Variants in NALF1 observed in about 807,000 individuals in gnomAD.
NALF1 encodes NALCN channel auxiliary factor 1.
NALF1 carries 3 observed loss-of-function variants against 48.4 expected under a neutral mutation model. The observed-to-expected ratio is 0.06, with a 90% CI of 0.03 to 0.16. NALF1 has a LOEUF of 0.16. NALF1 is among the 10% of genes least tolerant of loss of function. The probability of loss-of-function intolerance (pLI) is 1.00; values close to 1 mark genes in which losing one functional copy is unlikely to be tolerated. For synonymous variants in NALF1, 262 were observed against 245.7 expected (o/e 1.07, Z -0.62); for missense variants, 526 against 571.5 (o/e 0.92, Z 0.81).
chr13:107,844,286 A>C (rs1404185209), intron 1 of NALF1, among the ~76,000 whole-genome samples: 2 of 152,144 alleles, frequency 1.3e-5, no homozygotes, highest in Non-Finnish European at 2.9e-5. Context: ...AATCTTATGA[A>C]ACAACCAGAA....
chr13:107,328,154 G>A (rs150355302), intron 1 of NALF1, among the ~76,000 whole-genome samples: 5 of 152,100 alleles, frequency 3.3e-5, no homozygotes, highest in South Asian at 4.2e-4. Context: ...CTGAGCTCAA[G>A]GGATCTACCC....
chr13:107,693,334 G>GGA (rs1881611644), intron 1 of NALF1, among the ~76,000 whole-genome samples: 8 of 124,178 alleles, frequency 6.4e-5, no homozygotes, highest in Middle Eastern at 4.0e-3. Context: ...AGGGTAGGGG[G>GGA]GGCGGGAGGG....
intron 1 of NALF1, among the ~76,000 whole-genome samples, chr13:107,441,188 GTGACAATATTTGATATC>G (rs1884553393): frequency 6.6e-6 from 1 of 152,128 alleles, no homozygotes. Flanking sequence ...ACAGAAAACT[GTGACAATATTTGATATC>G]TGACAAGATT....
At chr13:107,591,485 A>G (rs1424737882) in intron 1 of NALF1, among the ~76,000 whole-genome samples, 1 of 152,046 alleles carries the variant, frequency 6.6e-6, no homozygotes, top group East Asian at 1.9e-4. Context: ...TATACACATC[A>G]ATTAAATGCC....
At chr13:107,348,253 C>T (rs1357718488) in intron 1 of NALF1, among the ~76,000 whole-genome samples, 4 of 152,094 alleles carry the variant, frequency 2.6e-5, no homozygotes, top group Non-Finnish European at 5.9e-5. Flanking sequence ...CTTTATGGAT[C>T]AAATAATTTA....
Position 107,726,671 on chromosome 13 carries a change from G to A in NALF1, c.915+139011C>T, listed in dbSNP as rs375667211. Among the ~76,000 whole-genome samples, 13 of 146,164 alleles carry A rather than the reference G, an allele frequency of 8.9e-5. No homozygotes were observed. In the South Asian group the frequency reaches 1.5e-3, roughly 17 times the overall value. On this transcript the variant is annotated intron_variant, in intron 1 of 2. Coordinates refer to ENST00000375915, the MANE Select transcript of NALF1 (RefSeq NM_001080396.3). ...GTTGCCCAGATTAGAGTGCAGTGGCGCTATCTCTGTTCACTGCAACCTCCG... is the reference window on the plus strand; with the variant it reads ...GTTGCCCAGATTAGAGTGCAGTGGCACTATCTCTGTTCACTGCAACCTCCG...
At chr13:107,794,175 T>C (rs991078421) in intron 1 of NALF1, among the ~76,000 whole-genome samples, 2 of 152,190 alleles carry the variant, frequency 1.3e-5, no homozygotes, top group Admixed American at 1.3e-4. Flanking sequence ...GGACTGCAAC[T>C]TACACCTCAT....
chr13:107,191,865 A>ATTTTTT (rs1879289758), intron 2 of NALF1, among the ~76,000 whole-genome samples: 1 of 101,306 alleles, frequency 9.9e-6, no homozygotes, highest in Non-Finnish European at 2.0e-5. Flanking sequence ...TATTTTTAGT[A>ATTTTTT]GAGACGGGGT....
chr13:107,710,740 A>G (rs764728271), intron 1 of NALF1, among the ~76,000 whole-genome samples: 5 of 149,498 alleles, frequency 3.3e-5, no homozygotes, highest in Non-Finnish European at 3.0e-5. Context: ...TTATATATAT[A>G]CATATCATAT....
intron 1 of NALF1, among the ~76,000 whole-genome samples, chr13:107,654,966 C>A (rs1880538887): frequency 6.6e-6 from 1 of 151,902 alleles, no homozygotes; most frequent in African/African-American, 2.4e-5. Flanking sequence ...TGATTAAAAC[C>A]CTCAGCCAAA....
At chr13:107,506,244 T>C (rs1875693304) in intron 1 of NALF1, among the ~76,000 whole-genome samples, 1 of 152,138 alleles carries the variant, frequency 6.6e-6, no homozygotes, top group African/African-American at 2.4e-5. Context: ...GAAAGGCCTT[T>C]AAGTAGTATT....
chr13:107,429,725 C>T (rs756795109), intron 1 of NALF1, among the ~76,000 whole-genome samples: 1 of 150,012 alleles, frequency 6.7e-6, no homozygotes, highest in Non-Finnish European at 1.5e-5. Flanking sequence ...GAATCAAAAT[C>T]CAAAGTAATC....
Position 107,167,306 on chromosome 13 carries a change from A to T in NALF1, c.*3191T>A, listed in dbSNP as rs1878681140. 6.6e-6 allele frequency: 1 copy of T among 152,214 alleles called. No individual in the cohort carries two copies. The highest frequency in any genetic ancestry group is 1.5e-5 in the Non-Finnish European group (1 of 68,042). 9.4% of individuals were successfully genotyped at this position (152,214 alleles called of 1,614,324 possible). A position where few individuals can be genotyped will look rare whatever the true frequency, so the allele number is the denominator to read the frequency against. On this transcript the variant is annotated 3_prime_UTR_variant, in exon 3 of 3. Coordinates refer to ENST00000375915, the MANE Select transcript of NALF1 (RefSeq NM_001080396.3). ...TTACAAAGGAGCAGGGGCTGAACTTATTTGTTCAAAATGAACATATGCACA... is the reference window on the plus strand; with the variant it reads ...TTACAAAGGAGCAGGGGCTGAACTTTTTTGTTCAAAATGAACATATGCACA...
chr13:107,304,221 A>G, intron 1 of NALF1, among the ~76,000 whole-genome samples: 1 of 152,168 alleles, frequency 6.6e-6, no homozygotes, highest in East Asian at 1.9e-4. Flanking sequence ...GACTGTCACA[A>G]CTGGTTGTTT....
intron 1 of NALF1, among the ~76,000 whole-genome samples, chr13:107,265,582 T>C (rs1274667098): frequency 2.0e-5 from 3 of 152,110 alleles, no homozygotes; most frequent in Non-Finnish European, 4.4e-5. Flanking sequence ...AATTTTGTGT[T>C]TTTAGTAGAG....
rs72652757 is a variant in NALF1 at position 107,554,346 on chromosome 13, G to C, written c.915+311336C>G. On this transcript the variant is annotated intron_variant, in intron 1 of 2. Transcript: ENST00000375915. ...GAAGTCCGGGGGGAAAAAGCTAGAA[G>C]GAAAATACTCCTTTAGTGAGAGAGT... 9.4e-3 allele frequency among the ~76,000 whole-genome samples: 1,434 copies of C among 152,300 alleles called. 13 individuals are homozygous for C. Among genetic ancestry groups the C allele is most frequent in the Non-Finnish European group, 0.014 (967 of 68,022 alleles).
chr13:107,187,290 C>T (rs944875098), intron 2 of NALF1, among the ~76,000 whole-genome samples: 5 of 152,200 alleles, frequency 3.3e-5, no homozygotes, highest in Admixed American at 6.5e-5. Context: ...TGGGGTCAAA[C>T]TCCTTCCACC....
At chr13:107,526,131 T>G (rs1876428467) in intron 1 of NALF1, among the ~76,000 whole-genome samples, 1 of 152,160 alleles carries the variant, frequency 6.6e-6, no homozygotes, top group African/African-American at 2.4e-5. Context: ...TACTTTTAAC[T>G]GTCTTTTTTT....
At chr13:107,537,652 C>T (rs1324009752) in intron 1 of NALF1, among the ~76,000 whole-genome samples, 1 of 152,060 alleles carries the variant, frequency 6.6e-6, no homozygotes, top group African/African-American at 2.4e-5. Context: ...ATGTGGTCAG[C>T]TTCACAGTCC....
Sources: gnomAD v4.1 joint callset for allele counts (sites outside exome capture counted in the v4.1 genomes callset) on GRCh38, gnomAD v4.1.1 for gene constraint, MANE v1.5 for transcripts, NCBI Gene and HGNC (gene_info 2026-07-23, HGNC 2026-07-21) for gene names.